The following COP1 variants were observed in gnomAD, a reference collection of about 807,000 sequenced individuals.
COP1 encodes the protein COP1 E3 ubiquitin ligase.
Under a neutral mutation model 101.3 loss-of-function variants are expected in COP1, and 24 were observed. The observed-to-expected ratio is 0.24, with a 90% confidence interval of 0.17 to 0.33. The LOEUF is 0.33. Among genes scored for constraint, COP1 ranks in the 10% least tolerant of loss-of-function variants. The pLI is 1.00. For missense variants in COP1, 663 were observed against 906.2 expected (o/e 0.73, Z 3.45); for synonymous variants, 347 against 341.9 (o/e 1.01, Z -0.17).
rs56280543 is a variant in COP1, at chr1:175,949,168, C to CAAAAAAAAAAAAAAA, written c.2134-1944_2134-1930dup. 3.6e-3 allele frequency among the ~76,000 whole-genome samples: 155 copies of CAAAAAAAAAAAAAAA among 43,134 alleles called. 20 individuals are homozygous for CAAAAAAAAAAAAAAA. The highest frequency in any genetic ancestry group is 0.011 in the South Asian group (7 of 632). The allele number at this position is 43,134 out of a possible 152,430, so 28.3% of individuals were successfully genotyped here. A position where few individuals can be genotyped will look rare whatever the true frequency, so the allele number is the denominator to read the frequency against. On this transcript the variant is annotated intron_variant, in intron 18 of 19. Transcript: ENST00000367669. Reference sequence around the variant, plus strand: ...GAGAGACTCCAGCAAGGCTCCGTCTCAAAAAAAAAAAAAAAAAAAAAAAAT... The same window carrying CAAAAAAAAAAAAAAA: ...GAGAGACTCCAGCAAGGCTCCGTCTCAAAAAAAAAAAAAAAAAAAAAAAAAAAAAAAAAAAAAAAT...
At chr1:176,114,542 G>A (rs1307917733) in intron 9 of COP1, among the ~76,000 whole-genome samples, 2 of 148,700 alleles carry the variant, frequency 1.3e-5, no homozygotes, top group South Asian at 2.1e-4. Flanking sequence ...ACACCTCATT[G>A]TTTTTTGTTT....
intron 8 of COP1, among the ~76,000 whole-genome samples, chr1:176,128,592 T>C (rs1400631030): frequency 6.6e-6 from 1 of 151,992 alleles, no homozygotes; most frequent in East Asian, 1.9e-4. Context: ...CAAAACACCA[T>C]GTATGTTCAA....
intron 9 of COP1, among the ~76,000 whole-genome samples, chr1:176,089,735 A>G (rs1395351220): frequency 1.3e-5 from 2 of 152,190 alleles, no homozygotes; most frequent in Non-Finnish European, 2.9e-5. Context: ...CATGCCCTAC[A>G]AACGATAAAA....
intron 14 of COP1, among the ~76,000 whole-genome samples, chr1:176,028,696 C>CATATCTATATATATATATATAT: frequency 2.1e-5 from 1 of 47,906 alleles, no homozygotes; most frequent in African/African-American, 7.1e-5. Context: ...ATATTTGTTT[C>CATATCTATATATATATATATAT]ATATATATAT....
intron 11 of COP1, among the ~76,000 whole-genome samples, chr1:176,056,940 T>C (rs796308353): frequency 6.6e-5 from 10 of 152,298 alleles, no homozygotes; most frequent in African/African-American, 2.4e-4. Context: ...GATAAAGTTA[T>C]TTTTGCCCTT....
At position 176,043,698 on chromosome 1, in the gene COP1, A is replaced by G; in HGVS notation, c.1530+12T>C. 1 of 1,366,596 alleles carries G rather than the reference A, an allele frequency of 7.3e-7. No individual in the cohort carries two copies. Among genetic ancestry groups the G allele is most frequent in the Middle Eastern group, 1.8e-4 (1 of 5,526 alleles). The allele number at this position is 1,366,596 out of a possible 1,614,324, so 84.7% of individuals were successfully genotyped here. ...ATGATTCATATAACATGTAACTAGT[A>G]CCCTTATTTACCTGATAGACCTTTG... is the stretch of plus-strand genomic sequence containing the variant. On this transcript the variant is annotated intron_variant, in intron 13 of 19. Transcript: ENST00000367669.
intron 15 of COP1, among the ~76,000 whole-genome samples, chr1:176,011,316 A>T (rs1195543918): frequency 1.3e-5 from 2 of 152,224 alleles, no homozygotes; most frequent in African/African-American, 4.8e-5. Context: ...CTAATACTGC[A>T]GTTCTATTTG....
At chr1:175,967,835 A>C (rs1302402340) in intron 18 of COP1, among the ~76,000 whole-genome samples, 1 of 152,102 alleles carries the variant, frequency 6.6e-6, no homozygotes, top group African/African-American at 2.4e-5. Flanking sequence ...TGAATTCGTT[A>C]AGCCAATGTG....
intron 5 of COP1, among the ~76,000 whole-genome samples, chr1:176,156,511 G>A (rs1005486678): frequency 1.6e-4 from 24 of 152,038 alleles, no homozygotes; most frequent in African/African-American, 5.8e-4. Context: ...ATTAGACTGT[G>A]TTTTTAAAAA....
chr1:176,173,986 CAAA>C (rs1212803591), intron 3 of COP1, among the ~76,000 whole-genome samples: 2,075 of 49,046 alleles, frequency 0.042, 51 homozygotes, highest in Non-Finnish European at 0.058. Flanking sequence ...GATGCTGTCT[CAAA>C]AAAAAAAAAA....
chr1:176,136,368 C>T, intron 7 of COP1, 120 bp downstream of exon 7: 1 of 478,406 alleles, frequency 2.1e-6, no homozygotes, highest in Non-Finnish European at 3.7e-6. Flanking sequence ...ATGAAAGTAA[C>T]AGCTGTTACT....
intron 5 of COP1, among the ~76,000 whole-genome samples, chr1:176,161,112 C>T (rs1284334464): frequency 6.6e-6 from 1 of 152,180 alleles, no homozygotes; most frequent in Non-Finnish European, 1.5e-5. Flanking sequence ...GTGTAGCATT[C>T]AGTTTCCTCA....
At chr1:175,956,840 G>A (rs1650716069) in intron 18 of COP1, among the ~76,000 whole-genome samples, 1 of 152,130 alleles carries the variant, frequency 6.6e-6, no homozygotes. Flanking sequence ...CCAGAAGAAA[G>A]CATTGTTACC....
chr1:175,968,377 T>C (rs771874448), intron 18 of COP1: 2 of 495,752 alleles, frequency 4.0e-6, no homozygotes, highest in African/African-American at 2.0e-5. Context: ...AAACCAAGTA[T>C]TTAGAGTGGC....
intron 10 of COP1, among the ~76,000 whole-genome samples, chr1:176,083,874 T>C (rs1432051112): frequency 6.6e-6 from 1 of 152,194 alleles, no homozygotes; most frequent in Non-Finnish European, 1.5e-5. Context: ...GTAAGATTCC[T>C]GAAAACTAGA....
In COP1 at chr1:176,110,171, A is replaced by T. The variant is rs75172992; in HGVS notation, c.1026+6453T>A. 7.8e-3 allele frequency among the ~76,000 whole-genome samples: 1,194 copies of T among 152,264 alleles called. 9 individuals carry two copies. The highest frequency in any genetic ancestry group is 0.011 in the Non-Finnish European group (755 of 68,018). ...GTCTTAGATTCAACCAATTTTTCGAAATTCTCCAAGGATTACAATAAATAA... is the reference window on the plus strand; with the variant it reads ...GTCTTAGATTCAACCAATTTTTCGATATTCTCCAAGGATTACAATAAATAA... On this transcript the variant is annotated intron_variant, in intron 9 of 19. Transcript: ENST00000367669.
intron 14 of COP1, among the ~76,000 whole-genome samples, chr1:176,035,710 C>CCAA (rs1669388050): frequency 1.4e-5 from 1 of 73,110 alleles, no homozygotes; most frequent in African/African-American, 7.1e-5. Flanking sequence ...AAAACGAGAC[C>CCAA]AAAAAAAAAA....
chr1:175,996,737 T>G (rs915523190), intron 15 of COP1, among the ~76,000 whole-genome samples: 18 of 152,034 alleles, frequency 1.2e-4, no homozygotes, highest in South Asian at 6.3e-4. Context: ...CACTGCTCAG[T>G]GAAATAAAAG....
intron 15 of COP1, among the ~76,000 whole-genome samples, chr1:176,008,377 CTTTT>C (rs1380393609): frequency 6.6e-6 from 1 of 152,144 alleles, no homozygotes; most frequent in South Asian, 2.1e-4. Flanking sequence ...CTGATTCTTT[CTTTT>C]GACAGGTCAA....
Sources: allele counts gnomAD v4.1 joint callset (sites outside exome capture counted in the v4.1 genomes callset), GRCh38; gene constraint gnomAD v4.1.1; transcripts MANE v1.5; gene names NCBI Gene and HGNC (gene_info 2026-07-23, HGNC 2026-07-21).